Variants in DHX35 observed in about 807,000 individuals in gnomAD.
The protein encoded by DHX35 is probable ATP-dependent RNA helicase DHX35.
A neutral mutation model predicts 99.6 loss-of-function variants in DHX35; 84 were observed. That is an observed-to-expected ratio of 0.84 (90% CI 0.71 to 1.01). The LOEUF (loss-of-function observed/expected upper bound fraction) is 1.01, where lower values mean the gene tolerates loss of function less well. Among genes scored for constraint, DHX35 ranks in the 50% least tolerant of loss-of-function variants. The pLI, the probability that DHX35 is intolerant of heterozygous loss-of-function variation, is 0.00. For missense variants in DHX35, 852 were observed against 888.5 expected (o/e 0.96, Z 0.52); for synonymous variants, 331 against 316.2 (o/e 1.05, Z -0.50).
chr20:39,026,228 C>T (rs1412032392), intron 18 of DHX35, among the ~76,000 whole-genome samples: 5 of 152,162 alleles, frequency 3.3e-5, no homozygotes, highest in African/African-American at 4.8e-5. Flanking sequence ...CTCACAACAA[C>T]GCTGTGAAAC....
At chr20:39,010,594 T>G (rs1174012952) in intron 13 of DHX35, among the ~76,000 whole-genome samples, 190 bp downstream of exon 13, 1 of 152,208 alleles carries the variant, frequency 6.6e-6, no homozygotes, top group Non-Finnish European at 1.5e-5. Context: ...CCTCAATTCC[T>G]ATTCTTACAT....
intron 11 of DHX35, 32 bp from the exon 12 acceptor site, chr20:39,006,114 G>A: frequency 6.3e-7 from 1 of 1,584,024 alleles, no homozygotes. Context: ...AGAATAAAAT[G>A]AGTTTTATTC....
intron 2 of DHX35, among the ~76,000 whole-genome samples, chr20:38,971,181 C>G (rs2085990116): frequency 2.0e-5 from 3 of 151,964 alleles, no homozygotes; most frequent in Admixed American, 2.0e-4. Context: ...GGTGAAACCC[C>G]ATCTCTACTA....
intron 17 of DHX35, 41 bp from the exon 18 acceptor site, chr20:39,025,189 A>C (rs777031077): frequency 3.2e-6 from 5 of 1,586,808 alleles, no homozygotes; most frequent in Non-Finnish European, 4.3e-6. Flanking sequence ...AGTCGAGAAC[A>C]TATCTGTTTT....
In DHX35 at chr20:39,014,741, A is replaced by G. The variant is rs114099013; in HGVS notation, c.1348-139A>G. On this transcript the variant is annotated intron_variant, in intron 13 of 21. Transcript: ENST00000252011. ...CAGGAAGGACATTTCAAGAGGTGCCAACAGCAAGAACAGAAACATGGAGGC... is the reference window on the plus strand; with the variant it reads ...CAGGAAGGACATTTCAAGAGGTGCCGACAGCAAGAACAGAAACATGGAGGC... 61 of 1,037,832 alleles carry G rather than the reference A, an allele frequency of 5.9e-5. 1 individual carries two copies. The African/African-American group carries it at 8.9e-4, about 15-fold the overall frequency. The allele number at this position is 1,037,832 out of a possible 1,614,324, so 64.3% of individuals were successfully genotyped here.
At chr20:39,038,365 G>C (rs2087190146) in intron 21 of DHX35, 134 bp from the exon 22 acceptor site, 1 of 1,015,760 alleles carries the variant, frequency 9.8e-7, no homozygotes, top group African/African-American at 1.6e-5. Flanking sequence ...GCTGTTTCAT[G>C]AACAGCTCAG....
At chr20:38,979,155 A>G (rs112766238) in intron 3 of DHX35, among the ~76,000 whole-genome samples, 52 of 150,994 alleles carry the variant, frequency 3.4e-4, no homozygotes, top group African/African-American at 1.2e-3. Flanking sequence ...CACATAATGT[A>G]TTGTTGGTTT....
Position 39,034,206 on chromosome 20 carries a change from G to C in DHX35, c.1956G>C (p.Trp652Cys). ...SVLYAEKPPR[W>C]VIYNEVIQTS... The stretch of plus-strand genomic sequence containing the variant: ...AGCTCATGTTTCTTTCTCATTTCAG[G>C]GTCATCTATAACGAAGTTATACAGA... The change falls in exon 21 of 22, where the codon TGG (tryptophan) becomes TGC (cysteine). Residue 652 changes from tryptophan to cysteine, a missense_variant and splice_region_variant. Coordinates refer to ENST00000252011, the MANE Select transcript of DHX35 (RefSeq NM_021931.4). 1.2e-6 allele frequency: 2 copies of C among 1,609,616 alleles called. No individual in the cohort carries two copies. The highest frequency in any genetic ancestry group is 1.7e-6 in the Non-Finnish European group (2 of 1,176,408).
chr20:38,983,920 T>G (rs2086212447), intron 4 of DHX35, 144 bp downstream of exon 4: 3 of 735,282 alleles, frequency 4.1e-6, no homozygotes, highest in Non-Finnish European at 4.3e-6. Context: ...TATTTTTATT[T>G]TTTTCCTCAG....
chr20:38,972,412 T>C (rs2086016444), intron 2 of DHX35, 147 bp from the exon 3 acceptor site: 1 of 606,138 alleles, frequency 1.6e-6, no homozygotes, highest in Non-Finnish European at 2.9e-6. Context: ...AGAGGAACAG[T>C]ACCTGAGGGT....
chr20:38,994,395 CT>C (rs1053236441), intron 7 of DHX35, among the ~76,000 whole-genome samples: 68 of 144,850 alleles, frequency 4.7e-4, no homozygotes, highest in Non-Finnish European at 5.3e-4. Flanking sequence ...TCTTTTATCT[CT>C]TTTTTTTTTG....
intron 11 of DHX35, among the ~76,000 whole-genome samples, chr20:39,005,510 A>G (rs2086601212): frequency 6.6e-6 from 1 of 152,240 alleles, no homozygotes; most frequent in African/African-American, 2.4e-5. Flanking sequence ...TTACAATAAT[A>G]TATAATATAC....
chr20:39,022,971 ACTTT>A (rs1455610061), intron 16 of DHX35, among the ~76,000 whole-genome samples: 3 of 152,014 alleles, frequency 2.0e-5, no homozygotes, highest in Non-Finnish European at 4.4e-5. Context: ...GAGGAGAGAG[ACTTT>A]CTTAGGGATT....
chr20:38,971,709 T>G (rs528604553), intron 2 of DHX35, among the ~76,000 whole-genome samples: 4 of 152,228 alleles, frequency 2.6e-5, no homozygotes, highest in Non-Finnish European at 4.4e-5. Flanking sequence ...AAGAATGCAG[T>G]TACTAGGGTA....
chr20:39,000,323 G>T (rs190682716), intron 8 of DHX35, among the ~76,000 whole-genome samples: 22 of 152,312 alleles, frequency 1.4e-4, no homozygotes, highest in Non-Finnish European at 2.5e-4. Context: ...TCAACTCTTT[G>T]CACGTCTGCC....
At chr20:38,967,194 C>G (rs1279640623) in intron 1 of DHX35, among the ~76,000 whole-genome samples, 3 of 152,186 alleles carry the variant, frequency 2.0e-5, no homozygotes, top group African/African-American at 4.8e-5. Flanking sequence ...AGAGGGAGTT[C>G]ATAGCCTTTA....
At chr20:39,001,978 A>G in intron 9 of DHX35, 136 bp downstream of exon 9, 1 of 766,284 alleles carries the variant, frequency 1.3e-6, no homozygotes, top group South Asian at 1.6e-5. Context: ...TTGGTCTAGA[A>G]TGTTCTTACC....
chr20:39,017,882 A>G (rs2086810146), intron 14 of DHX35, among the ~76,000 whole-genome samples: 1 of 152,174 alleles, frequency 6.6e-6, no homozygotes, highest in Admixed American at 6.5e-5. Flanking sequence ...TGTTGTTCTC[A>G]TTGTGGCTAA....
chr20:38,968,619 C>A lies in DHX35; in HGVS notation c.41-462C>A, dbSNP rs578073231. ...CTGGAGTGCAGGGGCCCGATCTTGG[C>A]TCACTGCAACCCCTGCCTCCTGGAT... is the stretch of plus-strand genomic sequence containing the variant. On this transcript the variant is annotated intron_variant, in intron 1 of 21. Coordinates refer to ENST00000252011, the MANE Select transcript of DHX35 (RefSeq NM_021931.4). Among the ~76,000 whole-genome samples, 6 of 152,230 alleles carry A rather than the reference C, an allele frequency of 3.9e-5. No individual in the cohort carries two copies. In the East Asian group the frequency reaches 1.2e-3, roughly 29 times the overall value.
Sources: gnomAD v4.1 joint callset for allele counts (sites outside exome capture counted in the v4.1 genomes callset) on GRCh38, gnomAD v4.1.1 for gene constraint, MANE v1.5 for transcripts, NCBI Gene and HGNC (gene_info 2026-07-23, HGNC 2026-07-21) for gene names.